Variants in EML1 observed in about 807,000 individuals in gnomAD.
EML1 encodes the protein echinoderm microtubule-associated protein-like 1.
In EML1, 27 loss-of-function variants were observed where a neutral mutation model predicts 110.4. The observed-to-expected ratio is 0.24, with a 90% CI of 0.18 to 0.34. The LOEUF (loss-of-function observed/expected upper bound fraction) is 0.34. Among genes scored for constraint, EML1 ranks in the 10% least tolerant of loss-of-function variants. The pLI is 1.00. For missense variants in EML1, 741 were observed against 1,030.9 expected, an observed-to-expected ratio of 0.72 and a Z score of 3.85; for synonymous variants, 344 against 385.8, an observed-to-expected ratio of 0.89 and a Z score of 1.27.
At chr14:99,815,432 C>T (rs1040982384) in intron 1 of EML1, among the ~76,000 whole-genome samples, 7 of 151,992 alleles carry the variant, frequency 4.6e-5, no homozygotes, top group South Asian at 2.1e-4. Flanking sequence ...TGAGCCACTG[C>T]GCCCTGCTGA....
At chr14:99,793,155 T>TCCCAGGCCG (rs2057698736), upstream of EML1, among the ~76,000 whole-genome samples, 1 of 147,582 alleles carries the variant, frequency 6.8e-6, no homozygotes, top group Non-Finnish European at 1.5e-5. Context: ...CCCCTGCGGC[T>TCCCAGGCCG]CCCAGGCCGC....
At chr14:99,845,006 A>C (rs1305869668) in intron 1 of EML1, among the ~76,000 whole-genome samples, 1 of 152,170 alleles carries the variant, frequency 6.6e-6, no homozygotes, top group African/African-American at 2.4e-5. Context: ...TTTTGTATGA[A>C]TATTGTTCAT....
intron 1 of EML1, chr14:99,850,351 C>T: frequency 7.8e-7 from 1 of 1,288,862 alleles, no homozygotes; most frequent in Non-Finnish European, 1.0e-6. Context: ...ATATGATTAC[C>T]ATAATTGTAA....
upstream of EML1, among the ~76,000 whole-genome samples, chr14:99,791,104 G>A (rs2057665188): frequency 6.6e-6 from 1 of 152,030 alleles, no homozygotes; most frequent in Non-Finnish European, 1.5e-5. Context: ...CAGGCAATCT[G>A]CCCACCTCGG....
rs541434119 is a variant in EML1 at position 99,894,334 on chromosome 14, A to G, written c.548-295A>G. On this transcript the variant is annotated intron_variant, in intron 5 of 21. Coordinates refer to ENST00000262233, the MANE Select transcript of EML1 (RefSeq NM_004434.3). The stretch of plus-strand genomic sequence containing the variant: ...TTTTCCCCTCCTGATGATAAAAGAA[A>G]GTAAACAGTAAAATCTCATGGAAAA... 3.6e-5 allele frequency: 7 copies of G among 192,080 alleles called. No individual in the cohort carries two copies. In the South Asian group the frequency reaches 1.3e-3, roughly 35 times the overall value. The allele number at this position is 192,080 out of a possible 1,614,324, so 11.9% of individuals were successfully genotyped here.
rs531567638 is a variant in EML1 at position 99,853,493 on chromosome 14, A to C, written c.250+2458A>C. Among the ~76,000 whole-genome samples, 19 of 151,272 alleles carry C rather than the reference A, an allele frequency of 1.3e-4. 1 individual carries two copies. In the South Asian group the frequency reaches 4.0e-3, roughly 32 times the overall value. The stretch of plus-strand genomic sequence containing the variant: ...CGTGGGCACTTGGGAACTGGTGCCC[A>C]CACCTCTGTCTGTCTTTAGAGCTGG... On this transcript the variant is annotated intron_variant, in intron 2 of 21. Transcript: ENST00000262233.
intron 3 of EML1, among the ~76,000 whole-genome samples, chr14:99,869,458 G>A (rs2059158102): frequency 1.3e-5 from 2 of 151,956 alleles, no homozygotes; most frequent in Admixed American, 1.3e-4. Flanking sequence ...CCTCTCCATT[G>A]GCCTCCCTTT....
chr14:99,939,442 C>A lies in EML1; in HGVS notation c.2322+115C>A. 6.7e-7 allele frequency: 1 copy of A among 1,495,798 alleles called. No individual in the cohort carries two copies. Among genetic ancestry groups the A allele is most frequent in the Non-Finnish European group, 9.0e-7 (1 of 1,105,242 alleles). The allele number at this position is 1,495,798 out of a possible 1,614,324, so 92.7% of individuals were successfully genotyped here. A position where few individuals can be genotyped will look rare whatever the true frequency, so the allele number is the denominator to read the frequency against. ...GAGCGACTGCTGCCAGCCACAAAGGCAGATGTGACTCTGTTCTTTGCGCCC... is the reference window on the plus strand; with the variant it reads ...GAGCGACTGCTGCCAGCCACAAAGGAAGATGTGACTCTGTTCTTTGCGCCC... On this transcript the variant is annotated intron_variant, in intron 21 of 21. Coordinates refer to ENST00000262233, the MANE Select transcript of EML1 (RefSeq NM_004434.3). The surrounding 1 kb of genome is among the most constrained non-coding windows in gnomAD (Gnocchi z 4.2).
upstream of EML1, chr14:99,792,682 G>A (rs1042128113): frequency 2.0e-5 from 3 of 152,244 alleles, no homozygotes; most frequent in African/African-American, 7.2e-5. Flanking sequence ...AAACCACAAA[G>A]CGATGTTTTA....
chr14:99,891,715 T>G (rs1231400302), intron 5 of EML1, among the ~76,000 whole-genome samples: 1 of 152,248 alleles, frequency 6.6e-6, no homozygotes, highest in Non-Finnish European at 1.5e-5. Context: ...TCCATATATC[T>G]TTTTTAACAC....
exon 1 of EML1, chr14:99,773,614 C>T (rs2057449364): frequency 6.6e-6 from 1 of 152,288 alleles, no homozygotes; most frequent in Admixed American, 6.5e-5. Context: ...ACTCCCAGGC[C>T]ACGGAGCTGA....
At chr14:99,790,865 C>CTTTTTTTTTTTTTTTTTTTTTTTTTTT (rs763959981), upstream of EML1, among the ~76,000 whole-genome samples, 15 of 138,472 alleles carry the variant, frequency 1.1e-4, no homozygotes, top group South Asian at 2.2e-4. Flanking sequence ...TTTTTCTTTT[C>CTTTTTTTTTTTTTTTTTTTTTTTTTTT]CTTTTTTTTT....
intron 2 of EML1, among the ~76,000 whole-genome samples, chr14:99,864,352 A>G (rs1270934088): frequency 1.3e-5 from 2 of 152,244 alleles, no homozygotes; most frequent in African/African-American, 2.4e-5. Context: ...AGTCCAAACT[A>G]TCAATTTTTT....
At chr14:99,875,526 T>TTG (rs979323945) in intron 3 of EML1, among the ~76,000 whole-genome samples, 2 of 152,146 alleles carry the variant, frequency 1.3e-5, no homozygotes, top group African/African-American at 4.8e-5. Flanking sequence ...TGATGAACAG[T>TTG]TGTGGTTTTT....
chr14:99,786,310 T>G (rs1431604581), intron 1 of EML1, among the ~76,000 whole-genome samples: 1 of 152,172 alleles, frequency 6.6e-6, no homozygotes, highest in African/African-American at 2.4e-5. Context: ...AATGTTACCC[T>G]GGAGAAGATG....
At chr14:99,818,117 G>A (rs1356652541) in intron 1 of EML1, among the ~76,000 whole-genome samples, 1 of 152,074 alleles carries the variant, frequency 6.6e-6, no homozygotes, top group East Asian at 1.9e-4. Flanking sequence ...AGTTGGGGGT[G>A]GGGGCTCAGG....
chr14:99,898,852 C>T (rs781287025), intron 8 of EML1, among the ~76,000 whole-genome samples: 5 of 151,538 alleles, frequency 3.3e-5, no homozygotes, highest in Admixed American at 6.6e-5. Flanking sequence ...ACAAAGAATT[C>T]GCTAATTCTT....
intron 1 of EML1, among the ~76,000 whole-genome samples, chr14:99,816,767 G>C (rs1019592975): frequency 3.3e-5 from 5 of 152,238 alleles, no homozygotes; most frequent in African/African-American, 1.2e-4. Context: ...AGAGAAGGGA[G>C]GAGTCCATTT....
intron 1 of EML1, among the ~76,000 whole-genome samples, chr14:99,739,104 C>A (rs10676652): frequency 1.9e-5 from 1 of 52,870 alleles, no homozygotes; most frequent in African/African-American, 6.3e-5. Context: ...GAGAGAGAGA[C>A]AGAGAGAGAG....
Sources: allele counts gnomAD v4.1 joint callset (sites outside exome capture counted in the v4.1 genomes callset), GRCh38; gene constraint gnomAD v4.1.1; non-coding constraint Gnocchi (gnomAD v3.1); transcripts MANE v1.5; gene names NCBI Gene and HGNC (gene_info 2026-07-23, HGNC 2026-07-21).